Variants in MAPK6 observed in about 807,000 individuals in gnomAD.
The protein encoded by MAPK6 is ERK-3.
Under a neutral mutation model 59.3 loss-of-function variants are expected in MAPK6, and 19 were observed. That is an observed-to-expected ratio of 0.32 (90% confidence interval 0.22 to 0.47). MAPK6 has a LOEUF of 0.47. Ranked by LOEUF, MAPK6 falls within the 20% of genes least tolerant of loss-of-function variation. The probability of loss-of-function intolerance (pLI) is 1.00; values close to 1 mark genes in which losing one functional copy is unlikely to be tolerated. For missense variants in MAPK6, 724 were observed against 847.9 expected (o/e 0.85, Z 1.81); for synonymous variants, 316 against 290.3 (o/e 1.09, Z -0.90).
chr15:52,050,216 G>A, intron 3 of MAPK6, 79 bp downstream of exon 3: 2 of 1,261,428 alleles, frequency 1.6e-6, no homozygotes, highest in African/African-American at 1.5e-5. Flanking sequence ...ATTCATATAA[G>A]ATTTAAAATA....
chr15:52,050,158 A>G (rs530627774), intron 3 of MAPK6, 21 bp downstream of exon 3: 6 of 1,583,404 alleles, frequency 3.8e-6, no homozygotes, highest in South Asian at 2.4e-5. Flanking sequence ...TGTGGGGGGA[A>G]AAATTTTCCC....
At chr15:52,027,861 G>A (rs1002813863) in intron 1 of MAPK6, 3 of 151,074 alleles carry the variant, frequency 2.0e-5, no homozygotes, top group East Asian at 1.9e-4. Context: ...CAGCCTCTGC[G>A]TCCCAGATTC....
chr15:52,046,767 A>C lies in MAPK6; in HGVS notation c.307A>C (p.Ser103Arg). Residue 103 changes from serine (S) to arginine (R), a missense_variant, in exon 2 of 6, where the codon AGT becomes CGT. Around this residue, in one of 4 missense-constraint regions of MAPK6, gnomAD observed 87 missense variants for 93.0 expected, o/e 0.93. Transcript: ENST00000261845. ...DDVGSLTELNSVYIVQEYMET... is the reference protein window; with the variant it reads ...DDVGSLTELNRVYIVQEYMET... ...TGTGGGCTCTCTTACGGAACTGAAC[A>C]GTGTTTACATTGTTCAGGAGTACAT... is the stretch of plus-strand genomic sequence containing the variant. 6.2e-7 allele frequency: 1 copy of C among 1,614,154 alleles called. No individual in the cohort carries two copies.
At chr15:52,003,219 C>T (rs555782823) in intron 2 of MAPK6, among the ~76,000 whole-genome samples, 6 of 151,926 alleles carry the variant, frequency 3.9e-5, no homozygotes, top group East Asian at 1.9e-4. Flanking sequence ...ACAAAAAAAA[C>T]ACGATCAGAT....
chr15:52,059,480 G>A (rs1000296282), intron 4 of MAPK6, among the ~76,000 whole-genome samples: 3 of 152,094 alleles, frequency 2.0e-5, no homozygotes, highest in African/African-American at 7.2e-5. Flanking sequence ...GAGGTGGAGT[G>A]GGGAACAGGG....
intron 3 of MAPK6, among the ~76,000 whole-genome samples, chr15:52,057,558 CAAAA>C (rs11322169): frequency 2.0e-5 from 3 of 149,224 alleles, no homozygotes; most frequent in African/African-American, 7.4e-5. Flanking sequence ...TCCTTTGTCT[CAAAA>C]AAAAAAAAAT....
chr15:52,051,113 A>C (rs957315141), intron 3 of MAPK6, among the ~76,000 whole-genome samples: 1 of 151,674 alleles, frequency 6.6e-6, no homozygotes, highest in South Asian at 2.1e-4. Flanking sequence ...GCTGGAGTGC[A>C]GTGGTGCGAT....
Position 52,064,588 on chromosome 15 carries a change from T to C in MAPK6, c.1754T>C (p.Leu585Ser), listed in dbSNP as rs1566916472. 6 of 1,611,846 alleles carry C rather than the reference T, an allele frequency of 3.7e-6. No individual in the cohort carries two copies. The highest frequency in any genetic ancestry group is 1.3e-5 in the African/African-American group (1 of 74,990). ...QEKGMANLAQ[L>S]EALYQSSWDS... ...AAAGGAATGGCAAATCTGGCTCAATTAGAAGCCTTGTACCAGTCTTCTTGG... is the reference window on the plus strand; with the variant it reads ...AAAGGAATGGCAAATCTGGCTCAATCAGAAGCCTTGTACCAGTCTTCTTGG... The change falls in exon 6 of 6, where the codon TTA becomes TCA. Residue 585 changes from leucine (L) to serine (S), a missense_variant. Transcript: ENST00000261845.
intron 2 of MAPK6, among the ~76,000 whole-genome samples, chr15:51,996,098 A>G (rs917228082): frequency 6.6e-6 from 1 of 152,198 alleles, no homozygotes; most frequent in African/African-American, 2.4e-5. Flanking sequence ...CTTTCTAAGG[A>G]CAGAGTTGCT....
At chr15:52,013,023 ATATATAT>A (rs1566898842) in intron 3 of MAPK6, among the ~76,000 whole-genome samples, 2 of 37,318 alleles carry the variant, frequency 5.4e-5, no homozygotes, top group African/African-American at 2.6e-4. Context: ...AAAAAAAAAT[ATATATAT>A]ATATATATAT....
intron 1 of MAPK6, among the ~76,000 whole-genome samples, chr15:52,034,567 A>G (rs1258412519): frequency 2.0e-5 from 3 of 151,810 alleles, no homozygotes; most frequent in East Asian, 1.9e-4. Context: ...CGGCCCCCCA[A>G]AGTGCTAGGA....
In MAPK6 at chr15:52,064,514, A is replaced by G. The variant is rs375509015; in HGVS notation, c.1680A>G (p.Leu560=). ...LNDLNSSVSQ[L]ELKSLISKSV... is the part of the protein sequence containing the mutation. ...ACTTGAATAGCTCAGTGTCCCAACTAGAATTGAAAAGTTTGATATCAAAGT... is the reference window on the plus strand; with the variant it reads ...ACTTGAATAGCTCAGTGTCCCAACTGGAATTGAAAAGTTTGATATCAAAGT... Residue 560 remains leucine (L), a synonymous_variant, in exon 6 of 6, where the codon CTA becomes CTG. Coordinates refer to ENST00000261845, the MANE Select transcript of MAPK6 (RefSeq NM_002748.4). 1.9e-6 allele frequency: 3 copies of G among 1,609,500 alleles called. No individual in the cohort carries two copies. Among genetic ancestry groups the G allele is most frequent in the Non-Finnish European group, 1.7e-6 (2 of 1,179,084 alleles).
At chr15:52,031,451 C>T (rs1249266479) in intron 1 of MAPK6, among the ~76,000 whole-genome samples, 2 of 152,026 alleles carry the variant, frequency 1.3e-5, no homozygotes, top group Non-Finnish European at 2.9e-5. Context: ...GCCTATTTTG[C>T]CTATTGGGAG....
intron 1 of MAPK6, among the ~76,000 whole-genome samples, chr15:51,982,320 G>C (rs1223043731): frequency 6.6e-6 from 1 of 152,188 alleles, no homozygotes; most frequent in East Asian, 1.9e-4. Context: ...CTGGCCCTCA[G>C]TATATTTCAT....
Position 52,045,858 on chromosome 15 carries a change from TTTGA to T in MAPK6, c.-599_-596del, listed in dbSNP as rs1306508596. ...GTATCAGAGTAAGATGGACGGTAGC[TTTGA>T]TTGTGATTGTGGTGAGCTGGAGCCA... On this transcript the variant is annotated 5_prime_UTR_variant, in exon 2 of 6. The change abolishes the stop of an existing upstream ORF in the 5' untranslated region. Coordinates refer to ENST00000261845, the MANE Select transcript of MAPK6 (RefSeq NM_002748.4). The T allele has an allele frequency of 6.5e-6, 1 of 152,756 alleles. No homozygotes were observed. Among genetic ancestry groups the T allele is most frequent in the Non-Finnish European group, 1.5e-5 (1 of 68,138 alleles). 9.5% of individuals were successfully genotyped at this position (152,756 alleles called of 1,614,324 possible).
intron 3 of MAPK6, among the ~76,000 whole-genome samples, chr15:52,058,013 G>A (rs1350653523): frequency 6.6e-6 from 1 of 152,162 alleles, no homozygotes; most frequent in Non-Finnish European, 1.5e-5. Flanking sequence ...TGAATTTATA[G>A]ACATTAAAGG....
At chr15:52,052,499 A>G (rs1242801534) in intron 3 of MAPK6, among the ~76,000 whole-genome samples, 1 of 152,214 alleles carries the variant, frequency 6.6e-6, no homozygotes. Flanking sequence ...CCATTACCAC[A>G]ATCTAATTTT....
intron 2 of MAPK6, among the ~76,000 whole-genome samples, chr15:51,998,504 C>CG (rs1555395724): frequency 1.6e-5 from 2 of 128,530 alleles, no homozygotes; most frequent in Non-Finnish European, 3.3e-5. Context: ...CGCACCTGGC[C>CG]TTTTTTTTTT....
At chr15:51,976,855 A>G (rs543664787) in intron 1 of MAPK6, among the ~76,000 whole-genome samples, 2 of 151,754 alleles carry the variant, frequency 1.3e-5, no homozygotes, top group South Asian at 4.2e-4. Context: ...GAAGCAGGAG[A>G]ATCGCTTCAA....
Sources: gnomAD v4.1 joint callset for allele counts (sites outside exome capture counted in the v4.1 genomes callset) on GRCh38, gnomAD v4.1.1 for gene constraint, gnomAD v4.1.1 regional missense constraint, MANE v1.5 for transcripts, NCBI Gene and HGNC (gene_info 2026-07-23, HGNC 2026-07-21) for gene names.